The following MYO3B variants were observed in gnomAD, a reference collection of about 807,000 sequenced individuals.
MYO3B encodes the protein myosin IIIB.
MYO3B carries 156 observed loss-of-function variants against 174.6 expected under a neutral mutation model. The ratio of observed to expected loss-of-function variants is 0.89; its 90% CI spans 0.78 to 1.02. The LOEUF (loss-of-function observed/expected upper bound fraction) is 1.02. MYO3B is among the 50% of genes least tolerant of loss of function. The pLI is 0.00. For synonymous variants in MYO3B, 563 were observed against 569.1 expected, an observed-to-expected ratio of 0.99 and a Z score of 0.15; for missense variants, 1,632 against 1,639.4, an observed-to-expected ratio of 1.00 and a Z score of 0.08.
At chr2:170,392,933 A>G (rs1043984974) in intron 16 of MYO3B, among the ~76,000 whole-genome samples, 2 of 152,032 alleles carry the variant, frequency 1.3e-5, no homozygotes, top group Non-Finnish European at 2.9e-5. Flanking sequence ...GAATATGTAG[A>G]TGACACCCAA....
intron 7 of MYO3B, among the ~76,000 whole-genome samples, chr2:170,309,505 C>T (rs1355714744): frequency 1.3e-5 from 2 of 152,130 alleles, no homozygotes; most frequent in Non-Finnish European, 2.9e-5. Context: ...GGGATATCTT[C>T]CCTGATTCTC....
intron 32 of MYO3B, among the ~76,000 whole-genome samples, chr2:170,573,891 G>A (rs1692622228): frequency 6.6e-6 from 1 of 152,114 alleles, no homozygotes; most frequent in African/African-American, 2.4e-5. Flanking sequence ...TCTCAGTTAA[G>A]TTTGAAGTTC....
chr2:170,401,654 C>T lies in MYO3B; in HGVS notation c.2092C>T (p.Arg698Cys), dbSNP rs201058116. The T allele has an allele frequency of 5.5e-5, 89 of 1,614,042 alleles. 2 individuals are homozygous for T. In the East Asian group the frequency reaches 1.4e-3, roughly 25 times the overall value. Reference protein sequence around the residue: ...YGRLFSWIVNRINTLLQPDEN... With the variant: ...YGRLFSWIVNCINTLLQPDEN... Reference sequence around the variant, plus strand: ...GAGGCTCTTCAGCTGGATTGTGAATCGCATTAATACACTCCTGCAGCCAGA... The same window carrying T: ...GAGGCTCTTCAGCTGGATTGTGAATTGCATTAATACACTCCTGCAGCCAGA... Residue 698 changes from arginine to cysteine, a missense_variant, in exon 18 of 35, where the codon CGC becomes TGC. Arg to Cys is a radical substitution (Grantham distance 180, BLOSUM62 -3). Coordinates refer to ENST00000408978, the MANE Select transcript of MYO3B (RefSeq NM_138995.5).
intron 30 of MYO3B, among the ~76,000 whole-genome samples, chr2:170,541,457 T>C (rs887933264): frequency 2.6e-5 from 4 of 152,220 alleles, no homozygotes; most frequent in African/African-American, 9.6e-5. Flanking sequence ...GTATTTACCA[T>C]GATACCTGGG....
chr2:170,529,205 G>GT (rs1254551692), intron 30 of MYO3B, among the ~76,000 whole-genome samples: 1 of 152,114 alleles, frequency 6.6e-6, no homozygotes, highest in Non-Finnish European at 1.5e-5. Context: ...CCTACTTGAG[G>GT]TTAGAGGTCG....
chr2:170,614,962 C>T (rs1237317197), intron 32 of MYO3B, among the ~76,000 whole-genome samples: 3 of 152,168 alleles, frequency 2.0e-5, no homozygotes, highest in African/African-American at 4.8e-5. Flanking sequence ...GCTTTTGCCT[C>T]CAACACAGTC....
chr2:170,479,898 T>A (rs1012683299), intron 25 of MYO3B, among the ~76,000 whole-genome samples: 3 of 148,676 alleles, frequency 2.0e-5, no homozygotes, highest in Admixed American at 6.8e-5. Flanking sequence ...TTTATAGGTT[T>A]AACATATTTT....
intron 1 of MYO3B, among the ~76,000 whole-genome samples, chr2:170,196,892 G>A (rs1328687683): frequency 2.6e-5 from 4 of 152,184 alleles, no homozygotes; most frequent in Non-Finnish European, 5.9e-5. Context: ...TTCTGCTAAG[G>A]TGTAGATATA....
In MYO3B at chr2:170,514,969, G is replaced by A. The variant is rs768091244; in HGVS notation, c.3419G>A (p.Gly1140Asp). ...SSGPHSPVAAGTRGSAEVQDC... is the reference protein window; with the variant it reads ...SSGPHSPVAADTRGSAEVQDC... ...GGGCCACATTCCCCCGTCGCAGCAG[G>A]TACGAGGGGAAGTGCCGAGGTTCAA... is the stretch of plus-strand genomic sequence containing the variant. The change falls in exon 29 of 35, where the codon GGT (glycine) becomes GAT (aspartate). Residue 1140 changes from glycine to aspartate, a missense_variant. Gly to Asp is a moderately conservative substitution (Grantham distance 94, BLOSUM62 -1). Transcript: ENST00000408978. 1.3e-5 allele frequency: 21 copies of A among 1,613,976 alleles called. No homozygotes were observed. Among genetic ancestry groups the A allele is most frequent in the African/African-American group, 2.7e-5 (2 of 74,914 alleles).
intron 25 of MYO3B, among the ~76,000 whole-genome samples, chr2:170,483,439 T>C (rs1348650993): frequency 9.4e-6 from 1 of 106,052 alleles, no homozygotes; most frequent in Admixed American, 1.1e-4. Context: ...CAGGCTGGAG[T>C]GCAGTGGCGC....
At position 170,654,647 on chromosome 2, in the gene MYO3B, CAAAAAAAAAA is replaced by C. The variant is rs1214280064; in HGVS notation, c.*1543_*1552del. 1 of 46,270 alleles carries C rather than the reference CAAAAAAAAAA, an allele frequency of 2.2e-5. No homozygotes were observed. Among genetic ancestry groups the C allele is most frequent in the East Asian group, 7.3e-4 (1 of 1,364 alleles). 2.9% of individuals were successfully genotyped at this position (46,270 alleles called of 1,614,324 possible). A position where few individuals can be genotyped will look rare whatever the true frequency, so the allele number is the denominator to read the frequency against. On this transcript the variant is annotated 3_prime_UTR_variant, in exon 35 of 35. Transcript: ENST00000408978. ...TGGGCGACAGGGCAAGACTCTGTCT[CAAAAAAAAAA>C]AAAAAAAAAAAAAAAAGAGATAGTA...
intron 7 of MYO3B, among the ~76,000 whole-genome samples, chr2:170,294,879 G>A (rs1300011070): frequency 2.0e-5 from 3 of 152,060 alleles, no homozygotes; most frequent in African/African-American, 7.2e-5. Context: ...CACATATAAA[G>A]TAGGGGATAT....
intron 7 of MYO3B, among the ~76,000 whole-genome samples, chr2:170,318,215 C>A (rs1462285598): frequency 6.6e-6 from 1 of 152,146 alleles, no homozygotes; most frequent in African/African-American, 2.4e-5. Context: ...AGAGAGAGAG[C>A]ACTGGACAGT....
At chr2:170,311,413 T>C (rs904187621) in intron 7 of MYO3B, among the ~76,000 whole-genome samples, 2 of 147,028 alleles carry the variant, frequency 1.4e-5, no homozygotes, top group African/African-American at 2.5e-5. Context: ...GTATACCTAC[T>C]TTGAAGAATG....
intron 9 of MYO3B, among the ~76,000 whole-genome samples, chr2:170,372,143 A>AAAAAAAAAAAAAAAAAAAC (rs1553475399): frequency 7.3e-6 from 1 of 136,898 alleles, no homozygotes; most frequent in African/African-American, 2.6e-5. Context: ...AAAAAAAAAA[A>AAAAAAAAAAAAAAAAAAAC]AACAACAACA....
chr2:170,521,518 C>A (rs1279612597), intron 30 of MYO3B, among the ~76,000 whole-genome samples: 5 of 152,172 alleles, frequency 3.3e-5, no homozygotes, highest in Non-Finnish European at 7.4e-5. Flanking sequence ...CTGAGCTCTT[C>A]CACCGCCCTT....
intron 29 of MYO3B, among the ~76,000 whole-genome samples, chr2:170,517,989 T>TTG (rs10606302): frequency 0.11 from 17,004 of 149,434 alleles, 1,214 homozygotes; most frequent in Middle Eastern, 0.16. Context: ...GCCATAATGT[T>TTG]TGTGTGTGTG....
chr2:170,584,305 T>A (rs1353839739), intron 32 of MYO3B, among the ~76,000 whole-genome samples: 1 of 150,488 alleles, frequency 6.6e-6, no homozygotes, highest in Non-Finnish European at 1.5e-5. Flanking sequence ...TAAAGTTTTT[T>A]AATTTTTTTT....
At chr2:170,362,655 C>T (rs538240311) in intron 8 of MYO3B, among the ~76,000 whole-genome samples, 8 of 152,296 alleles carry the variant, frequency 5.3e-5, no homozygotes, top group African/African-American at 1.7e-4. Context: ...ACTCCCAGTT[C>T]TCATTTACCT....
Sources: gnomAD v4.1 joint callset for allele counts (sites outside exome capture counted in the v4.1 genomes callset) on GRCh38, gnomAD v4.1.1 for gene constraint, MANE v1.5 for transcripts, NCBI Gene and HGNC (gene_info 2026-07-23, HGNC 2026-07-21) for gene names.